Variants in NXN observed in about 807,000 individuals in gnomAD.
NXN encodes nucleoredoxin.
NXN carries 16 observed loss-of-function variants against 48.6 expected under a neutral mutation model. That is an observed-to-expected ratio of 0.33 (90% CI 0.22 to 0.50). The LOEUF (loss-of-function observed/expected upper bound fraction) is 0.50. Ranked by LOEUF, NXN falls within the 20% of genes least tolerant of loss-of-function variation. NXN has a pLI of 0.98. For missense variants in NXN, 492 were observed against 605.5 expected (o/e 0.81, Z 1.97); for synonymous variants, 281 against 269.6 (o/e 1.04, Z -0.41).
At chr17:947,149 G>A (rs2069052761) in intron 1 of NXN, among the ~76,000 whole-genome samples, 1 of 152,084 alleles carries the variant, frequency 6.6e-6, no homozygotes. Flanking sequence ...CCTCGGTTAC[G>A]AACCCCATTC....
In NXN at chr17:819,550, A is replaced by G; in HGVS notation, c.714-5T>C. The G allele has an allele frequency of 6.3e-7, 1 of 1,583,120 alleles. No individual in the cohort carries two copies. The highest frequency in any genetic ancestry group is 8.6e-7 in the Non-Finnish European group (1 of 1,160,508). Reference sequence around the variant, plus strand: ...TGTTTGAAGGACTCCTCCGACCTACAGAGAGACACACGTGGCGGGCAAGGC... The same window carrying G: ...TGTTTGAAGGACTCCTCCGACCTACGGAGAGACACACGTGGCGGGCAAGGC... On this transcript the variant is annotated splice_region_variant and splice_polypyrimidine_tract_variant and intron_variant, in intron 4 of 7. Transcript: ENST00000336868.
chr17:901,091 T>G lies in NXN; in HGVS notation c.361-75013A>C, dbSNP rs184061663. 4.7e-4 allele frequency among the ~76,000 whole-genome samples: 71 copies of G among 152,124 alleles called. No homozygotes were observed. The East Asian group carries it at 0.012, about 25-fold the overall frequency. On this transcript the variant is annotated intron_variant, in intron 1 of 7. Transcript: ENST00000336868. ...ATCCACCACCACGCCTGGCTAATTTTTGTATTTTTAGTAGAGATGGGGTTT... is the reference window on the plus strand; with the variant it reads ...ATCCACCACCACGCCTGGCTAATTTGTGTATTTTTAGTAGAGATGGGGTTT...
chr17:840,107 A>G (rs12942689), intron 1 of NXN, among the ~76,000 whole-genome samples: 24 of 137,652 alleles, frequency 1.7e-4, no homozygotes, highest in East Asian at 6.7e-4. Flanking sequence ...AAAAAAAAAA[A>G]AGAGAGAGAG....
intron 1 of NXN, among the ~76,000 whole-genome samples, chr17:962,765 A>T (rs948537306): frequency 6.6e-6 from 1 of 152,126 alleles, no homozygotes; most frequent in African/African-American, 2.4e-5. Context: ...CCCCATATAC[A>T]TCTGAATGCG....
At chr17:882,535 G>C (rs185783466) in intron 1 of NXN, among the ~76,000 whole-genome samples, 2 of 151,960 alleles carry the variant, frequency 1.3e-5, no homozygotes. Context: ...GCGCAATCTC[G>C]GCTCACTGCA....
intron 1 of NXN, among the ~76,000 whole-genome samples, chr17:862,562 A>G (rs2068051794): frequency 6.6e-6 from 1 of 152,226 alleles, no homozygotes; most frequent in African/African-American, 2.4e-5. Flanking sequence ...GAATCATCAC[A>G]TATCAGTGGA....
In NXN at chr17:919,482, G is replaced by A. The variant is rs904153618; in HGVS notation, c.360+59837C>T. ...GCTAGAAAACGTGTTATTGTAACAC[G>A]AGGAAAAAGCCCTGTAATCTCAGCA... On this transcript the variant is annotated intron_variant, in intron 1 of 7. Transcript: ENST00000336868. The surrounding 1 kb of genome is among the most constrained non-coding windows in gnomAD (Gnocchi z 5.1). Among the ~76,000 whole-genome samples, 3 of 152,254 alleles carry A rather than the reference G, an allele frequency of 2.0e-5. No individual in the cohort carries two copies. Among genetic ancestry groups the A allele is most frequent in the Non-Finnish European group, 4.4e-5 (3 of 68,024 alleles).
chr17:875,149 G>A (rs937139105), intron 1 of NXN, among the ~76,000 whole-genome samples: 2 of 151,416 alleles, frequency 1.3e-5, no homozygotes, highest in Non-Finnish European at 1.5e-5. Context: ...CTTGTGCCTC[G>A]GCCTCTGGGG....
chr17:815,813 C>G (rs1031565214), intron 5 of NXN, among the ~76,000 whole-genome samples: 1 of 152,192 alleles, frequency 6.6e-6, no homozygotes, highest in African/African-American at 2.4e-5. Flanking sequence ...GAGGGGTGCT[C>G]CAAGACCCAG....
intron 1 of NXN, among the ~76,000 whole-genome samples, chr17:973,789 C>G (rs1415162670): frequency 6.6e-6 from 1 of 151,966 alleles, no homozygotes; most frequent in Non-Finnish European, 1.5e-5. Context: ...AAGCGATTCT[C>G]CTGCCTCAGC....
At chr17:850,629 A>AG (rs1244723142) in intron 1 of NXN, among the ~76,000 whole-genome samples, 2 of 151,814 alleles carry the variant, frequency 1.3e-5, no homozygotes, top group Non-Finnish European at 2.9e-5. Flanking sequence ...CGCTCTCTCC[A>AG]GGGGGGCGGC....
rs1357261697 is a variant in NXN at position 803,914 on chromosome 17, G to A, written c.1001-108C>T. 2.1e-5 allele frequency: 31 copies of A among 1,458,128 alleles called. No homozygotes were observed. In the East Asian group the frequency reaches 3.0e-4, roughly 14 times the overall value. The allele number at this position is 1,458,128 out of a possible 1,614,324, so 90.3% of individuals were successfully genotyped here. Reference sequence around the variant, plus strand: ...GAGCTGCAGAAACGCCCGCCTGAGCGGCCCCTGAACGGAAATGAACTTCCC... The same window carrying A: ...GAGCTGCAGAAACGCCCGCCTGAGCAGCCCCTGAACGGAAATGAACTTCCC... On this transcript the variant is annotated intron_variant, in intron 6 of 7. Transcript: ENST00000336868.
intron 1 of NXN, among the ~76,000 whole-genome samples, chr17:947,327 T>A (rs1162275907): frequency 6.6e-6 from 1 of 152,172 alleles, no homozygotes; most frequent in Admixed American, 6.6e-5. Flanking sequence ...CTAAATATTA[T>A]GGGCAGACAT....
At position 895,329 on chromosome 17, in the gene NXN, T is replaced by C. The variant is rs556149114; in HGVS notation, c.361-69251A>G. 3.0e-4 allele frequency among the ~76,000 whole-genome samples: 46 copies of C among 151,842 alleles called. 1 individual carries two copies. In the South Asian group the frequency reaches 9.0e-3, roughly 30 times the overall value. On this transcript the variant is annotated intron_variant, in intron 1 of 7. Transcript: ENST00000336868. ...ACCGCGCCTGGCCCACCCCTTCCCT[T>C]CATAGTTCATCTTCTCTAATGGAGA... is the stretch of plus-strand genomic sequence containing the variant.
intron 1 of NXN, among the ~76,000 whole-genome samples, chr17:897,999 G>T (rs1208344400): frequency 6.6e-6 from 1 of 152,174 alleles, no homozygotes; most frequent in Non-Finnish European, 1.5e-5. Flanking sequence ...TTATTTTAAG[G>T]ATAACTTGAT....
chr17:910,973 G>C (rs1472382788), intron 1 of NXN: 1 of 152,120 alleles, frequency 6.6e-6, no homozygotes, highest in East Asian at 1.9e-4. Flanking sequence ...ATTCCTTCCT[G>C]CTCTAGCTTA....
At chr17:950,237 T>G (rs60343977) in intron 1 of NXN, among the ~76,000 whole-genome samples, 8,534 of 152,126 alleles carry the variant, frequency 0.056, 628 homozygotes, top group African/African-American at 0.17. Context: ...TGTTCGCCCC[T>G]TTCCCCTCCA....
chr17:810,926 T>C (rs375676015), intron 5 of NXN, among the ~76,000 whole-genome samples: 5 of 152,106 alleles, frequency 3.3e-5, no homozygotes, highest in African/African-American at 1.2e-4. Context: ...AAAAGAGAAC[T>C]GCAAAACCGC....
chr17:887,892 G>A (rs891284242), intron 1 of NXN, among the ~76,000 whole-genome samples: 4 of 152,218 alleles, frequency 2.6e-5, no homozygotes, highest in African/African-American at 9.6e-5. Context: ...ACGGAGGCCT[G>A]AGTTTAAACC....
Sources: gnomAD v4.1 joint callset for allele counts (sites outside exome capture counted in the v4.1 genomes callset) on GRCh38, gnomAD v4.1.1 for gene constraint, Gnocchi (gnomAD v3.1) non-coding constraint, MANE v1.5 for transcripts, NCBI Gene and HGNC (gene_info 2026-07-23, HGNC 2026-07-21) for gene names.